PMEPA1: variants seen among roughly 807,000 people sequenced by gnomAD.
PMEPA1 encodes the protein protein TMEPAI.
In PMEPA1, 11 loss-of-function variants were observed where a neutral mutation model predicts 23.0. The ratio of observed to expected loss-of-function variants is 0.48; its 90% CI spans 0.30 to 0.79. The LOEUF (loss-of-function observed/expected upper bound fraction) is 0.79, where lower values mean the gene tolerates loss of function less well. Ranked by LOEUF, PMEPA1 falls within the 30% of genes least tolerant of loss-of-function variation. The pLI is 0.06. For missense variants in PMEPA1, 377 were observed against 390.9 expected (o/e 0.96, Z 0.30); for synonymous variants, 204 against 166.4 (o/e 1.23, Z -1.74).
rs1466187382 is a variant in PMEPA1, at chr20:57,651,769, C to T, written c.*284G>A. On this transcript the variant is annotated 3_prime_UTR_variant, in exon 4 of 4. Coordinates refer to ENST00000341744, the MANE Select transcript of PMEPA1 (RefSeq NM_020182.5). ...TTCACGCACGCAGCTCAACTAGAAA[C>T]AAGAAAGACTACTGTAGAAATTTTT... 3.6e-6 allele frequency: 1 copy of T among 278,598 alleles called. No homozygotes were observed. The highest frequency in any genetic ancestry group is 2.2e-5 in the African/African-American group (1 of 45,734). The allele number at this position is 278,598 out of a possible 1,614,324, so 17.3% of individuals were successfully genotyped here. A position where few individuals can be genotyped will look rare whatever the true frequency, so the allele number is the denominator to read the frequency against.
chr20:57,704,417 C>T lies in PMEPA1; in HGVS notation c.109+5057G>A, dbSNP rs779984498. On this transcript the variant is annotated intron_variant, in intron 1 of 3. Coordinates refer to ENST00000341744, the MANE Select transcript of PMEPA1 (RefSeq NM_020182.5). The surrounding 1 kb of genome is among the most constrained non-coding windows in gnomAD (Gnocchi z 4.6). Reference sequence around the variant, plus strand: ...GTCCGTCTCCCGCACAGCTCCCGCACGTGCCCCAACCATGCGTGCGTTACG... The same window carrying T: ...GTCCGTCTCCCGCACAGCTCCCGCATGTGCCCCAACCATGCGTGCGTTACG... Among the ~76,000 whole-genome samples the T allele has an allele frequency of 3.3e-5, 5 of 152,204 alleles. No individual in the cohort carries two copies. Among genetic ancestry groups the T allele is most frequent in the South Asian group, 2.1e-4 (1 of 4,830 alleles).
At chr20:57,654,532 TCTC>T (rs2071299772) in intron 2 of PMEPA1, among the ~76,000 whole-genome samples, 2 of 152,122 alleles carry the variant, frequency 1.3e-5, no homozygotes, top group African/African-American at 4.8e-5. Flanking sequence ...AACTGCCTCG[TCTC>T]CTGATTTAGC....
chr20:57,702,830 C>T (rs546316114), intron 1 of PMEPA1, among the ~76,000 whole-genome samples: 4 of 152,212 alleles, frequency 2.6e-5, no homozygotes, highest in Non-Finnish European at 5.9e-5. Context: ...ATAATCTCTT[C>T]ACATTCAACT....
intron 1 of PMEPA1, among the ~76,000 whole-genome samples, chr20:57,661,356 G>A (rs1484175772): frequency 2.6e-5 from 4 of 152,194 alleles, no homozygotes; most frequent in Admixed American, 1.3e-4. Context: ...AGTTGACACG[G>A]CAGAGTGGGC....
At chr20:57,710,567 C>T, upstream of PMEPA1, 1 of 1,217,920 alleles carries the variant, frequency 8.2e-7, no homozygotes, top group East Asian at 2.8e-5. Context: ...AGGAGGACGA[C>T]CAGGAAAGAC....
chr20:57,685,453 A>G (rs1249704292), intron 1 of PMEPA1, among the ~76,000 whole-genome samples: 1 of 152,250 alleles, frequency 6.6e-6, no homozygotes, highest in African/African-American at 2.4e-5. Context: ...CAGATAACAA[A>G]GGACTTTTTA....
intron 1 of PMEPA1, among the ~76,000 whole-genome samples, chr20:57,679,043 G>A (rs1568975324): frequency 2.0e-5 from 3 of 152,208 alleles, no homozygotes; most frequent in African/African-American, 7.2e-5. Flanking sequence ...GAGTGTTTTT[G>A]AAGAAGAGTC....
chr20:57,692,399 G>A (rs2071893990), intron 1 of PMEPA1, among the ~76,000 whole-genome samples: 1 of 152,254 alleles, frequency 6.6e-6, no homozygotes, highest in Admixed American at 6.5e-5. Flanking sequence ...GCAATGGTCT[G>A]TCAGGGCTGG....
rs1288477333 is a variant in PMEPA1, at chr20:57,651,841, TTTTTTC to T, written c.*206_*211del. The T allele has an allele frequency of 4.1e-5, 15 of 363,266 alleles. No individual in the cohort carries two copies. Among genetic ancestry groups the T allele is most frequent in the African/African-American group, 2.7e-4 (12 of 44,464 alleles). 22.5% of individuals were successfully genotyped at this position (363,266 alleles called of 1,614,324 possible). ...AGCTCAACAAAGAAACGTGGTTTTT[TTTTTTC>T]TTTTTTCTTTTTTTTTTTGCAAGCT... is the stretch of plus-strand genomic sequence containing the variant. On this transcript the variant is annotated 3_prime_UTR_variant, in exon 4 of 4. Transcript: ENST00000341744.
rs2071264631 is a variant in PMEPA1, at chr20:57,652,599, C to A, written c.319-1G>T. On this transcript the variant is annotated splice_acceptor_variant, in intron 3 of 3. Coordinates refer to ENST00000341744, the MANE Select transcript of PMEPA1 (RefSeq NM_020182.5). LOFTEE classifies it high-confidence loss of function. This position sits in a 1 kb window ranked among gnomAD's most constrained non-coding sequence, Gnocchi z 6.1. ...GCCGAGGCGGGGCGTAGACCTGCGG[C>A]TGGAGGAAGCAGAGCGGGAGTGAGG... 1 of 1,470,404 alleles carries A rather than the reference C, an allele frequency of 6.8e-7. No individual in the cohort carries two copies. The highest frequency in any genetic ancestry group is 9.0e-7 in the Non-Finnish European group (1 of 1,112,458). The allele number at this position is 1,470,404 out of a possible 1,614,324, so 91.1% of individuals were successfully genotyped here.
intron 1 of PMEPA1, among the ~76,000 whole-genome samples, chr20:57,695,965 C>A (rs1207926628): frequency 6.6e-6 from 1 of 152,186 alleles, no homozygotes; most frequent in East Asian, 1.9e-4. Context: ...GAGAGGGTCC[C>A]TCCAGTCCAG....
rs1017548535 is a variant in PMEPA1 at position 57,709,662 on chromosome 20, G to A, written c.-80C>T. 2.1e-6 allele frequency: 2 copies of A among 975,458 alleles called. No homozygotes were observed. The highest frequency in any genetic ancestry group is 6.4e-5 in the Admixed American group (1 of 15,606). 60.4% of individuals were successfully genotyped at this position (975,458 alleles called of 1,614,324 possible). A position where few individuals can be genotyped will look rare whatever the true frequency, so the allele number is the denominator to read the frequency against. On this transcript the variant is annotated 5_prime_UTR_variant, in exon 1 of 4. Transcript: ENST00000341744. ...GGCTCCGGCCGGCGCCCGGAGCTGG[G>A]GCCCCGCATGCAGGAGGCGCGCGGC...
chr20:57,652,292 T>C lies in PMEPA1; in HGVS notation c.625A>G (p.Ser209Gly). The change falls in exon 4 of 4, where the codon AGC (serine) becomes GGC (glycine). Residue 209 changes from serine (S) to glycine (G), a missense_variant. By Grantham distance (56) the Ser-to-Gly change is moderately conservative. Coordinates refer to ENST00000341744, the MANE Select transcript of PMEPA1 (RefSeq NM_020182.5). This position sits in a 1 kb window ranked among gnomAD's most constrained non-coding sequence, Gnocchi z 6.1. ...GTGGCGCTGATGCCCGAGTTACTGC[T>C]GGGGGGGCAGGGGCCGCCCAGCCTG... ...SARLGGPCPP[S>G]SNSGISATCY... 6.2e-7 allele frequency: 1 copy of C among 1,609,926 alleles called. No individual in the cohort carries two copies. The highest frequency in any genetic ancestry group is 2.2e-5 in the East Asian group (1 of 44,820).
chr20:57,675,961 C>G (rs759367607), intron 1 of PMEPA1, among the ~76,000 whole-genome samples: 1 of 152,262 alleles, frequency 6.6e-6, no homozygotes, highest in African/African-American at 2.4e-5. Context: ...CATCAGCCGC[C>G]TCTCCCTGTC....
At chr20:57,653,188 C>T in intron 2 of PMEPA1, 102 bp from the exon 3 acceptor site, 1 of 949,354 alleles carries the variant, frequency 1.1e-6, no homozygotes, top group Non-Finnish European at 1.6e-6. Context: ...CTGGAATCAG[C>T]TCTTGAACCC....
chr20:57,686,767 A>T (rs2071806609), intron 1 of PMEPA1, among the ~76,000 whole-genome samples: 1 of 152,236 alleles, frequency 6.6e-6, no homozygotes, highest in Admixed American at 6.5e-5. Context: ...TGAAGAGGAG[A>T]TGACAGTGCA....
chr20:57,693,064 C>T (rs896396930), intron 1 of PMEPA1, among the ~76,000 whole-genome samples: 1 of 152,220 alleles, frequency 6.6e-6, no homozygotes, highest in Non-Finnish European at 1.5e-5. Flanking sequence ...GATGTTCACG[C>T]TTATGTTGTG....
At chr20:57,664,412 G>A (rs1335390972) in intron 1 of PMEPA1, among the ~76,000 whole-genome samples, 3 of 152,224 alleles carry the variant, frequency 2.0e-5, no homozygotes, top group South Asian at 2.1e-4. Flanking sequence ...GGCAGGCACC[G>A]TGAATCCACC....
intron 1 of PMEPA1, among the ~76,000 whole-genome samples, chr20:57,684,197 T>C (rs1171171682): frequency 6.6e-6 from 1 of 150,942 alleles, no homozygotes; most frequent in African/African-American, 2.4e-5. Flanking sequence ...GATTGATGAC[T>C]GCGGGAGGGG....
Sources: gnomAD v4.1 joint callset for allele counts (sites outside exome capture counted in the v4.1 genomes callset) on GRCh38, gnomAD v4.1.1 for gene constraint, Gnocchi (gnomAD v3.1) non-coding constraint, MANE v1.5 for transcripts, NCBI Gene and HGNC (gene_info 2026-07-23, HGNC 2026-07-21) for gene names.